The following LRWD1 variants were observed in gnomAD, a reference collection of about 807,000 sequenced individuals.
The protein encoded by LRWD1 is leucine rich repeats and WD repeat domain containing 1.
Under a neutral mutation model 75.6 loss-of-function variants are expected in LRWD1, and 76 were observed. The ratio of observed to expected loss-of-function variants is 1.01; its 90% CI spans 0.84 to 1.22. The LOEUF is 1.22. Ranked by LOEUF, LRWD1 falls within the 50% of genes most tolerant of loss-of-function variation. The probability of loss-of-function intolerance (pLI) is 0.00; values close to 1 mark genes in which losing one functional copy is unlikely to be tolerated. For missense variants in LRWD1, 917 were observed against 862.0 expected, an observed-to-expected ratio of 1.06 and a Z score of -0.80; for synonymous variants, 487 against 377.0, an observed-to-expected ratio of 1.29 and a Z score of -3.38.
Position 102,472,583 on chromosome 7 carries a change from C to A in LRWD1, c.1664C>A (p.Ala555Asp). Residue 555 changes from alanine to aspartate, a missense_variant, in exon 13 of 15, where the codon GCC becomes GAC. Physicochemically the swap from Ala to Asp is moderately radical, Grantham distance 126. Coordinates refer to ENST00000292616, the MANE Select transcript of LRWD1 (RefSeq NM_152892.3). The part of the protein sequence containing the change: ...ARLQWSSTEL[A>D]YFSLSACPDK... ...CTGCAATGGTCGTCCACCGAGTTGG[C>A]CTACTTCTCGCTCAGCGCCTGCCCT... The A allele has an allele frequency of 2.5e-6, 4 of 1,608,470 alleles. No individual in the cohort carries two copies. Among genetic ancestry groups the A allele is most frequent in the Non-Finnish European group, 3.4e-6 (4 of 1,177,598 alleles).
rs966938413 is a variant in LRWD1 at position 102,467,722 on chromosome 7, C to G, written c.577C>G (p.Arg193Gly). The stretch of plus-strand genomic sequence containing the variant: ...CTGATGGCCTGGCCCCACCCAGGTG[C>G]GGATGATCTCTGAGGAGCTGGTGGC... ...SLSEFTQWRV[R>G]MISEELVAAS... The change falls in exon 5 of 15, where the codon CGG (arginine) becomes GGG (glycine). Residue 193 changes from arginine to glycine, a missense_variant. Physicochemically the swap from Arg to Gly is moderately radical, Grantham distance 125 (BLOSUM62 -2). Coordinates refer to ENST00000292616, the MANE Select transcript of LRWD1 (RefSeq NM_152892.3). The G allele has an allele frequency of 1.3e-6, 2 of 1,551,196 alleles. No individual in the cohort carries two copies. Among genetic ancestry groups the G allele is most frequent in the African/African-American group, 2.7e-5 (2 of 73,004 alleles).
At chr7:102,465,225 A>G in intron 1 of LRWD1, 65 bp downstream of exon 1, 1 of 1,323,816 alleles carries the variant, frequency 7.6e-7, no homozygotes, top group Non-Finnish European at 9.9e-7. Flanking sequence ...AAGAGCGGGG[A>G]CCCTCCCCAA....
chr7:102,470,536 G>A (rs1404616191), intron 11 of LRWD1: 1 of 152,406 alleles, frequency 6.6e-6, no homozygotes, highest in African/African-American at 2.4e-5. Context: ...TGGATATTCT[G>A]GGGCTCACGC....
In LRWD1 at chr7:102,468,856, A is replaced by C. The variant is rs751373991; in HGVS notation, c.1022A>C (p.Glu341Ala). 1 of 1,610,236 alleles carries C rather than the reference A, an allele frequency of 6.2e-7. No homozygotes were observed. Among genetic ancestry groups the C allele is most frequent in the South Asian group, 1.1e-5 (1 of 91,014 alleles). Reference protein sequence around the residue: ...VLHKYKAPGEEFFSVAWTALM... With the variant: ...VLHKYKAPGEAFFSVAWTALM... ...CTGTTTACTCTAACCCCCGCCCAGG[A>C]GTTCTTTTCTGTGGCCTGGACCGCT... is the stretch of plus-strand genomic sequence containing the variant. Residue 341 changes from glutamate (E) to alanine (A), a missense_variant and splice_region_variant, in exon 9 of 15, where the codon GAG becomes GCG. Glu to Ala is a moderately radical substitution (Grantham distance 107). Coordinates refer to ENST00000292616, the MANE Select transcript of LRWD1 (RefSeq NM_152892.3).
intron 1 of LRWD1, 84 bp from the exon 2 acceptor site, chr7:102,465,733 A>T (rs1030108541): frequency 1.3e-5 from 13 of 987,368 alleles, no homozygotes; most frequent in Non-Finnish European, 1.9e-5. Flanking sequence ...ATGTCAGGTG[A>T]AAAAGCCTTC....
rs1397218625 is a variant in LRWD1, at chr7:102,465,808, C to G, written c.81-9C>G. 1 of 1,610,812 alleles carries G rather than the reference C, an allele frequency of 6.2e-7. No homozygotes were observed. Among genetic ancestry groups the G allele is most frequent in the Non-Finnish European group, 8.5e-7 (1 of 1,178,038 alleles). On this transcript the variant is annotated splice_polypyrimidine_tract_variant and intron_variant, in intron 1 of 14. Transcript: ENST00000292616. ...GCCCGCCCCCTAAGCCTTCTGCCCC[C>G]AACTCCAGCCTGTCAGGATTGGAGC...
rs1798043693 is a variant in LRWD1 at position 102,467,427 on chromosome 7, T to G, written c.521T>G (p.Val174Gly). ...CAGGCGGACTTTGTGAAGTCGGCTGTCAGGGATGTCCGCTACGGGCCCGAG... is the reference window on the plus strand; with the variant it reads ...CAGGCGGACTTTGTGAAGTCGGCTGGCAGGGATGTCCGCTACGGGCCCGAG... ...KAQADFVKSA[V>G]RDVRYGPESL... The change falls in exon 4 of 15, where the codon GTC becomes GGC. Residue 174 changes from valine (V) to glycine (G), a missense_variant. Physicochemically the swap from Val to Gly is moderately radical, Grantham distance 109. Transcript: ENST00000292616. 6.2e-7 allele frequency: 1 copy of G among 1,613,772 alleles called. No homozygotes were observed. Among genetic ancestry groups the G allele is most frequent in the Non-Finnish European group, 8.5e-7 (1 of 1,179,950 alleles).
In LRWD1 at chr7:102,469,865, C is replaced by T. The variant is rs200611000; in HGVS notation, c.1425C>T (p.Asp475=). ...GGCCCWDVRL[D]QPQKRRVCEV... The stretch of plus-strand genomic sequence containing the variant: ...GCTGCTGCTGGGACGTGCGGCTGGA[C>T]CAGCCCCAAAAGAGGAGGTGAGGCT... The change falls in exon 11 of 15, where the codon GAC becomes GAT. Residue 475 remains aspartate (D), a synonymous_variant. Coordinates refer to ENST00000292616, the MANE Select transcript of LRWD1 (RefSeq NM_152892.3). 12 of 1,580,340 alleles carry T rather than the reference C, an allele frequency of 7.6e-6. No individual in the cohort carries two copies. In the African/African-American group the frequency reaches 9.4e-5, roughly 12 times the overall value.
In LRWD1 at chr7:102,473,031, C is replaced by T. The variant is rs1167678248; in HGVS notation, c.1926C>T (p.Ala642=). The change falls in exon 15 of 15, where the codon GCC becomes GCT. Residue 642 remains alanine (A), a synonymous_variant. Transcript: ENST00000292616. ...CCCTGACGGACTCCAACATCGTAGC[C>T]ATCTGGGGGAGGATGTAGCCTCACA... ...LTALTDSNIV[A]IWGRM is the part of the protein sequence containing the mutation. 3 of 1,613,626 alleles carry T rather than the reference C, an allele frequency of 1.9e-6. No homozygotes were observed. The highest frequency in any genetic ancestry group is 2.5e-6 in the Non-Finnish European group (3 of 1,179,772).
chr7:102,467,576 G>T, intron 4 of LRWD1, 97 bp downstream of exon 4: 2 of 1,555,526 alleles, frequency 1.3e-6, no homozygotes, highest in Non-Finnish European at 1.7e-6. Context: ...CTGTGGGAGT[G>T]GGGTGAGTCA....
Position 102,472,548 on chromosome 7 carries a change from C to T in LRWD1, c.1629C>T (p.Val543=), listed in dbSNP as rs1278399798. Reference sequence around the variant, plus strand: ...GCCAGTCCACGGTGGCAGTGGTGGTCCTGGCGCGGCTGCAATGGTCGTCCA... The same window carrying T: ...GCCAGTCCACGGTGGCAGTGGTGGTTCTGGCGCGGCTGCAATGGTCGTCCA... ...RGSQSTVAVV[V]LARLQWSSTE... Residue 543 remains valine, a synonymous_variant, in exon 13 of 15, where the codon GTC becomes GTT. Transcript: ENST00000292616. 2 of 1,592,278 alleles carry T rather than the reference C, an allele frequency of 1.3e-6. No individual in the cohort carries two copies. The highest frequency in any genetic ancestry group is 2.3e-5 in the East Asian group (1 of 43,884).
chr7:102,468,824 C>A, intron 8 of LRWD1, 31 bp from the exon 9 acceptor site: 1 of 1,603,344 alleles, frequency 6.2e-7, no homozygotes, highest in South Asian at 1.1e-5. Flanking sequence ...TAGCTCTGCC[C>A]CAGTGACTGT....
chr7:102,468,784 A>T, intron 8 of LRWD1, 71 bp from the exon 9 acceptor site: 5 of 1,562,108 alleles, frequency 3.2e-6, no homozygotes, highest in Non-Finnish European at 4.3e-6. Context: ...TCCCTCCCCC[A>T]GGCCCGGGCT....
chr7:102,468,729 A>G, intron 8 of LRWD1, 75 bp downstream of exon 8: 2 of 1,528,484 alleles, frequency 1.3e-6, no homozygotes, highest in Non-Finnish European at 1.8e-6. Context: ...GGATGGATGC[A>G]GGCTCGGCCC....
At position 102,472,936 on chromosome 7, in the gene LRWD1, C is replaced by G; in HGVS notation, c.1831C>G (p.Leu611Val). ...CCTGAAGTGGCCCCAGCCCTGGGCC[C>G]TTGGCCAGGTGGTGACCAAGACCAT... ...QILKWPQPWA[L>V]GQVVTKTMVN... Residue 611 changes from leucine to valine, a missense_variant, in exon 15 of 15, where the codon CTT becomes GTT. Physicochemically the swap from Leu to Val is conservative, Grantham distance 32. Transcript: ENST00000292616. 6.2e-7 allele frequency: 1 copy of G among 1,614,056 alleles called. No homozygotes were observed. Among genetic ancestry groups the G allele is most frequent in the Non-Finnish European group, 8.5e-7 (1 of 1,179,998 alleles).
chr7:102,472,633 C>G, intron 13 of LRWD1, 24 bp downstream of exon 13: 1 of 1,609,966 alleles, frequency 6.2e-7, no homozygotes, highest in Non-Finnish European at 8.5e-7. Context: ...CCTGCCCGCC[C>G]CATCCCGCGG....
rs370719110 is a variant in LRWD1, at chr7:102,472,798, C to G, written c.1797C>G (p.Pro599=). The G allele has an allele frequency of 1.2e-6, 2 of 1,613,198 alleles. No homozygotes were observed. Among genetic ancestry groups the G allele is most frequent in the Admixed American group, 1.7e-5 (1 of 59,986 alleles). ...PPLLPAALQA[P]TQILKWPQPW... is the part of the protein sequence containing the mutation. Reference sequence around the variant, plus strand: ...TGCTGCCGGCAGCCCTGCAGGCCCCCACACAGGTACTGCCCGGCTCACCCT... The same window carrying G: ...TGCTGCCGGCAGCCCTGCAGGCCCCGACACAGGTACTGCCCGGCTCACCCT... The change falls in exon 14 of 15, where the codon CCC becomes CCG. Residue 599 remains proline (P), a synonymous_variant. Coordinates refer to ENST00000292616, the MANE Select transcript of LRWD1 (RefSeq NM_152892.3).
chr7:102,472,429 C>A, intron 12 of LRWD1, 25 bp from the exon 13 acceptor site: 1 of 1,540,858 alleles, frequency 6.5e-7, no homozygotes. Context: ...GGCCACCCTG[C>A]ACAGCTCTCC....
At chr7:102,467,557 G>C (rs1798049062) in intron 4 of LRWD1, 78 bp downstream of exon 4, 1 of 1,581,292 alleles carries the variant, frequency 6.3e-7, no homozygotes, top group Admixed American at 1.7e-5. Flanking sequence ...GCCATGAAGG[G>C]CTGAGGGGCT....
Sources: allele counts gnomAD v4.1 joint callset, GRCh38; gene constraint gnomAD v4.1.1; transcripts MANE v1.5; gene names NCBI Gene and HGNC (gene_info 2026-07-23, HGNC 2026-07-21).